The following TBC1D9 variants were observed in gnomAD, a reference collection of about 807,000 sequenced individuals.
TBC1D9 encodes the protein TBC1 domain family member 9A.
Under a neutral mutation model 132.0 loss-of-function variants are expected in TBC1D9, and 63 were observed. The ratio of observed to expected loss-of-function variants is 0.48; its 90% CI spans 0.39 to 0.59. The LOEUF is 0.59. TBC1D9 is among the 20% of genes least tolerant of loss of function. The pLI is 0.00. For missense variants in TBC1D9, 1,261 were observed against 1,592.7 expected (o/e 0.79, Z 3.54); for synonymous variants, 610 against 609.9 (o/e 1.00, Z 0.00).
At chr4:140,740,897 C>T (rs1333006763) in intron 1 of TBC1D9, among the ~76,000 whole-genome samples, 1 of 152,166 alleles carries the variant, frequency 6.6e-6, no homozygotes, top group Non-Finnish European at 1.5e-5. Context: ...GAAAATCTAG[C>T]AATCTAATGT....
In TBC1D9 at chr4:140,622,681, G is replaced by A. The variant is rs750353127; in HGVS notation, c.3315C>T (p.Tyr1105=). 4 of 1,611,144 alleles carry A rather than the reference G, an allele frequency of 2.5e-6. No homozygotes were observed. The highest frequency in any genetic ancestry group is 1.1e-5 in the South Asian group (1 of 90,592). Residue 1105 remains tyrosine, a synonymous_variant, in exon 21 of 21, where the codon TAC becomes TAT. Transcript: ENST00000442267. ...GCAGGGGCTCAACAGACTCCACCAC[G>A]TAAGGCTGGCCTGGCCCTTTCTTGG... ...LFPKKGPGQP[Y]VVESVEPLPA... is the part of the protein sequence containing the mutation.
Position 140,728,523 on chromosome 4 carries a change from T to G in TBC1D9, c.131-26909A>C, listed in dbSNP as rs1387406056. 2.0e-5 allele frequency among the ~76,000 whole-genome samples: 3 copies of G among 152,192 alleles called. 1 individual carries two copies. The highest frequency in any genetic ancestry group is 2.0e-4 in the Admixed American group (3 of 15,280). On this transcript the variant is annotated intron_variant, in intron 1 of 20. Coordinates refer to ENST00000442267, the MANE Select transcript of TBC1D9 (RefSeq NM_015130.3). ...TTGTTTTGTTTTTTTTGAGACAGTC[T>G]TACTCTGTCACCCAGGCTGGAGTGC...
At chr4:140,636,027 T>A (rs1736874028) in intron 15 of TBC1D9, among the ~76,000 whole-genome samples, 1 of 152,196 alleles carries the variant, frequency 6.6e-6, no homozygotes, top group Non-Finnish European at 1.5e-5. Flanking sequence ...AAGCATTTCC[T>A]CCTAAGCACC....
At chr4:140,726,718 A>G (rs979336999) in intron 1 of TBC1D9, among the ~76,000 whole-genome samples, 1 of 152,374 alleles carries the variant, frequency 6.6e-6, no homozygotes, top group Admixed American at 6.5e-5. Flanking sequence ...TGTTAAAACT[A>G]AATCACGACT....
At chr4:140,691,127 C>T (rs1034095626) in intron 2 of TBC1D9, among the ~76,000 whole-genome samples, 6 of 152,090 alleles carry the variant, frequency 3.9e-5, no homozygotes, top group South Asian at 2.1e-4. Context: ...CTGAAAAGTA[C>T]GAGCCAGGAC....
At chr4:140,723,712 T>C (rs1243827163) in intron 1 of TBC1D9, among the ~76,000 whole-genome samples, 5 of 152,162 alleles carry the variant, frequency 3.3e-5, no homozygotes, top group African/African-American at 1.2e-4. Context: ...AATTTTAACA[T>C]ATAAGCCCCA....
intron 1 of TBC1D9, among the ~76,000 whole-genome samples, chr4:140,704,715 A>C (rs1738124682): frequency 1.3e-5 from 2 of 152,188 alleles, no homozygotes; most frequent in Non-Finnish European, 2.9e-5. Flanking sequence ...CCCAATCCAC[A>C]TATCTCCACC....
At chr4:140,664,174 C>T (rs1459520948) in intron 9 of TBC1D9, among the ~76,000 whole-genome samples, 1 of 151,840 alleles carries the variant, frequency 6.6e-6, no homozygotes, top group African/African-American at 2.4e-5. Flanking sequence ...AATTAATACA[C>T]CTTAAATATA....
chr4:140,709,208 G>A (rs1738191507), intron 1 of TBC1D9, among the ~76,000 whole-genome samples: 1 of 139,022 alleles, frequency 7.2e-6, no homozygotes, highest in African/African-American at 2.7e-5. Flanking sequence ...TGTGGGGAAG[G>A]AACCAGCCTT....
chr4:140,680,162 T>G (rs1291060605), intron 3 of TBC1D9, among the ~76,000 whole-genome samples: 1 of 152,198 alleles, frequency 6.6e-6, no homozygotes, highest in Non-Finnish European at 1.5e-5. Context: ...ACTAAGCTTA[T>G]TATGGTAGAA....
Position 140,622,521 on chromosome 4 carries a change from C to T in TBC1D9, c.3475G>A (p.Asp1159Asn), listed in dbSNP as rs1736634123. The change falls in exon 21 of 21, where the codon GAC (aspartate) becomes AAC (asparagine). Residue 1159 changes from aspartate to asparagine, a missense_variant. Coordinates refer to ENST00000442267, the MANE Select transcript of TBC1D9 (RefSeq NM_015130.3). ...ACCGAGTATGAGGACATGGAGCTGTCGTCCTTGGTGTCGTCGTCAGAGATC... is the reference window on the plus strand; with the variant it reads ...ACCGAGTATGAGGACATGGAGCTGTTGTCCTTGGTGTCGTCGTCAGAGATC... Reference protein sequence around the residue: ...MLISDDDTKDDSSMSSYSVLS... With the variant: ...MLISDDDTKDNSSMSSYSVLS... The T allele has an allele frequency of 1.9e-6, 3 of 1,613,942 alleles. No individual in the cohort carries two copies. The highest frequency in any genetic ancestry group is 2.2e-5 in the East Asian group (1 of 44,902).
At chr4:140,663,853 CAG>C (rs1433269050) in intron 9 of TBC1D9, among the ~76,000 whole-genome samples, 1 of 151,812 alleles carries the variant, frequency 6.6e-6, no homozygotes, top group African/African-American at 2.4e-5. Flanking sequence ...CTCATAGAAA[CAG>C]AGTCTAGAAT....
intron 15 of TBC1D9, among the ~76,000 whole-genome samples, chr4:140,637,035 A>G (rs1210006458): frequency 6.6e-6 from 1 of 152,192 alleles, no homozygotes; most frequent in African/African-American, 2.4e-5. Context: ...CACAGACCAG[A>G]GAGCGCAGCA....
chr4:140,675,212 AC>A (rs1293879803), intron 6 of TBC1D9, among the ~76,000 whole-genome samples: 1 of 137,494 alleles, frequency 7.3e-6, no homozygotes, highest in African/African-American at 2.8e-5. Flanking sequence ...ACTAGGGCGG[AC>A]TTTTCTCTTT....
intron 16 of TBC1D9, among the ~76,000 whole-genome samples, chr4:140,629,808 A>G (rs1224449113): frequency 3.3e-5 from 5 of 152,196 alleles, no homozygotes; most frequent in Admixed American, 1.3e-4. Context: ...ATGGTTAACT[A>G]AACTCCCGGA....
At chr4:140,634,429 T>C (rs564615995) in intron 15 of TBC1D9, among the ~76,000 whole-genome samples, 3 of 152,356 alleles carry the variant, frequency 2.0e-5, no homozygotes, top group African/African-American at 7.2e-5. Flanking sequence ...CTTCAATTAC[T>C]GGGTGTAGGT....
chr4:140,651,199 T>C (rs1473093397), intron 13 of TBC1D9, among the ~76,000 whole-genome samples: 1 of 152,216 alleles, frequency 6.6e-6, no homozygotes, highest in Non-Finnish European at 1.5e-5. Context: ...CTAGGCACAG[T>C]GGCTCATGCC....
chr4:140,664,401 A>G (rs955910449), intron 9 of TBC1D9, among the ~76,000 whole-genome samples: 3 of 152,226 alleles, frequency 2.0e-5, no homozygotes, highest in African/African-American at 7.2e-5. Flanking sequence ...TGTTGTTAAG[A>G]TAGAAAAACT....
chr4:140,684,374 A>G (rs998928134), intron 3 of TBC1D9, among the ~76,000 whole-genome samples: 18 of 152,200 alleles, frequency 1.2e-4, no homozygotes, highest in Admixed American at 6.5e-5. Flanking sequence ...TTAGGTCTCA[A>G]AACAAATAAC....
Sources: allele counts gnomAD v4.1 joint callset (sites outside exome capture counted in the v4.1 genomes callset), GRCh38; gene constraint gnomAD v4.1.1; transcripts MANE v1.5; gene names NCBI Gene and HGNC (gene_info 2026-07-23, HGNC 2026-07-21).